CSMD1: variants seen among roughly 807,000 people sequenced by gnomAD.
CSMD1 encodes CUB and sushi domain-containing protein 1.
In CSMD1, 213 loss-of-function variants were observed where a neutral mutation model predicts 417.5. That is an observed-to-expected ratio of 0.51 (90% confidence interval 0.46 to 0.57). The LOEUF is 0.57. Among genes scored for constraint, CSMD1 ranks in the 20% least tolerant of loss-of-function variants. CSMD1 has a pLI of 0.00. For missense variants in CSMD1, 6,923 were observed against 4,529.7 expected, an observed-to-expected ratio of 1.53 and a Z score of -15.17; for synonymous variants, 2,862 against 1,736.8, an observed-to-expected ratio of 1.65 and a Z score of -16.11.
intron 1 of CSMD1, among the ~76,000 whole-genome samples, chr8:4,708,754 C>A (rs866530300): frequency 6.6e-6 from 1 of 152,022 alleles, no homozygotes; most frequent in African/African-American, 2.4e-5. Context: ...AAAGTCCTAA[C>A]CCCCAGCATG....
At chr8:4,733,347 C>T (rs1277241984) in intron 1 of CSMD1, among the ~76,000 whole-genome samples, 1 of 152,170 alleles carries the variant, frequency 6.6e-6, no homozygotes, top group South Asian at 2.1e-4. Context: ...GACCCTAACT[C>T]TAACAAGAGC....
intron 2 of CSMD1, among the ~76,000 whole-genome samples, chr8:4,603,997 C>G (rs1800734012): frequency 6.6e-6 from 1 of 152,042 alleles, no homozygotes; most frequent in Non-Finnish European, 1.5e-5. Context: ...AATCTATTCA[C>G]TATAAAAAGA....
At chr8:4,301,782 T>C (rs752383607) in intron 3 of CSMD1, among the ~76,000 whole-genome samples, 3 of 152,232 alleles carry the variant, frequency 2.0e-5, no homozygotes, top group Non-Finnish European at 4.4e-5. Context: ...TATCTAATTG[T>C]AAACTCTTGA....
At chr8:3,670,485 T>A (rs1049750664) in intron 7 of CSMD1, among the ~76,000 whole-genome samples, 11 of 144,228 alleles carry the variant, frequency 7.6e-5, no homozygotes, top group African/African-American at 2.8e-4. Context: ...TATATATATA[T>A]CCCGTATATA....
chr8:3,675,826 A>G (rs1799345189), intron 7 of CSMD1, among the ~76,000 whole-genome samples: 1 of 152,220 alleles, frequency 6.6e-6, no homozygotes, highest in South Asian at 2.1e-4. Context: ...AGAGTTGACT[A>G]AGCTGGTGGC....
At chr8:4,064,193 C>G (rs1324501982) in intron 3 of CSMD1, among the ~76,000 whole-genome samples, 1 of 152,180 alleles carries the variant, frequency 6.6e-6, no homozygotes, top group African/African-American at 2.4e-5. Flanking sequence ...ACATTAGGAG[C>G]TTTCACCATG....
At chr8:4,991,947 G>T (rs184969855) in intron 1 of CSMD1, among the ~76,000 whole-genome samples, 14 of 152,266 alleles carry the variant, frequency 9.2e-5, no homozygotes, top group African/African-American at 3.4e-4. Context: ...AGACAATAGC[G>T]CAGTGAGAGC....
intron 37 of CSMD1, among the ~76,000 whole-genome samples, chr8:3,169,952 C>T (rs891199993): frequency 1.3e-5 from 2 of 152,162 alleles, no homozygotes; most frequent in South Asian, 2.1e-4. Flanking sequence ...TCCCATCACA[C>T]GCCCACCTCA....
chr8:4,202,830 G>A (rs546419014), intron 3 of CSMD1, among the ~76,000 whole-genome samples: 3 of 152,210 alleles, frequency 2.0e-5, no homozygotes, highest in Non-Finnish European at 4.4e-5. Context: ...AGAGGGCAGT[G>A]AAGCTGAAAC....
intron 21 of CSMD1, among the ~76,000 whole-genome samples, chr8:3,352,752 C>T (rs1808499389): frequency 6.6e-6 from 1 of 152,080 alleles, no homozygotes; most frequent in Non-Finnish European, 1.5e-5. Flanking sequence ...AGGCCGGAGA[C>T]TTGCTTGAAC....
At chr8:3,121,336 T>C (rs561646440) in intron 41 of CSMD1, among the ~76,000 whole-genome samples, 8 of 152,286 alleles carry the variant, frequency 5.3e-5, no homozygotes, top group African/African-American at 1.9e-4. Flanking sequence ...GATATGTCTC[T>C]GAACAAGAGT....
At chr8:4,572,929 G>C (rs1467644363) in intron 2 of CSMD1, among the ~76,000 whole-genome samples, 1 of 152,040 alleles carries the variant, frequency 6.6e-6, no homozygotes, top group Non-Finnish European at 1.5e-5. Flanking sequence ...ACTTGTGTAT[G>C]CGTCATGAAG....
intron 50 of CSMD1, among the ~76,000 whole-genome samples, chr8:3,045,573 T>C (rs962545826): frequency 5.3e-5 from 8 of 152,176 alleles, no homozygotes; most frequent in Non-Finnish European, 7.3e-5. Context: ...GTCTATTACC[T>C]ATGGTGACCC....
chr8:4,499,074 C>G (rs1342640274), intron 2 of CSMD1, among the ~76,000 whole-genome samples: 1 of 151,978 alleles, frequency 6.6e-6, no homozygotes, highest in Non-Finnish European at 1.5e-5. Flanking sequence ...GATGAAAGTG[C>G]TAAAGGACAC....
intron 2 of CSMD1, among the ~76,000 whole-genome samples, chr8:4,537,207 T>C (rs1797143463): frequency 6.6e-6 from 1 of 152,186 alleles, no homozygotes; most frequent in African/African-American, 2.4e-5. Context: ...TAAAGGGAAA[T>C]ATAATTTAAA....
intron 3 of CSMD1, among the ~76,000 whole-genome samples, chr8:4,105,550 A>G (rs1801524724): frequency 6.6e-6 from 1 of 152,214 alleles, no homozygotes; most frequent in Non-Finnish European, 1.5e-5. Flanking sequence ...CAATTAAAAA[A>G]TACGACAAAT....
intron 1 of CSMD1, among the ~76,000 whole-genome samples, chr8:4,872,171 C>T (rs1477680602): frequency 1.3e-5 from 2 of 152,092 alleles, no homozygotes; most frequent in Non-Finnish European, 2.9e-5. Context: ...CAAACTAAGG[C>T]ACTCTGTGTT....
At chr8:3,823,291 G>A (rs911864073) in intron 5 of CSMD1, among the ~76,000 whole-genome samples, 3 of 152,090 alleles carry the variant, frequency 2.0e-5, no homozygotes, top group Non-Finnish European at 4.4e-5. Flanking sequence ...GTCTGGAATC[G>A]CTTCCTCCTG....
At chr8:4,643,485 G>C (rs1011730845) in intron 1 of CSMD1, among the ~76,000 whole-genome samples, 3 of 151,964 alleles carry the variant, frequency 2.0e-5, no homozygotes, top group African/African-American at 7.2e-5. Flanking sequence ...CCTACTGGAC[G>C]TAGCTATCAA....
Sources: gnomAD v4.1 joint callset for allele counts (sites outside exome capture counted in the v4.1 genomes callset) on GRCh38, gnomAD v4.1.1 for gene constraint, MANE v1.5 for transcripts, NCBI Gene and HGNC (gene_info 2026-07-23, HGNC 2026-07-21) for gene names.